FIRRM: variants seen among roughly 807,000 people sequenced by gnomAD.
FIRRM encodes the protein FIGNL1-interacting regulator of recombination and mitosis.
the FIRRM span, among the ~76,000 whole-genome samples, chr1:169,812,547 A>G: frequency 2.7e-3 from 417 of 152,262 alleles, 3 homozygotes; most frequent in African/African-American, 9.8e-3. Flanking sequence ...GCACTGTATT[A>G]GAGAGTTCAT....
chr1:169,850,472 C>T, the FIRRM span: 23 of 628,388 alleles, frequency 3.7e-5, no homozygotes, highest in African/African-American at 3.9e-4. Context: ...ACAGTGCTGA[C>T]GACTTTTACT....
chr1:169,792,498 A>G, the FIRRM span: 1 of 1,291,712 alleles, frequency 7.7e-7, no homozygotes, highest in South Asian at 1.7e-5. Flanking sequence ...TTCAGAAAAA[A>G]TAATAGCAAA....
chr1:169,828,663 C>T, the FIRRM span, among the ~76,000 whole-genome samples: 2 of 152,068 alleles, frequency 1.3e-5, no homozygotes, highest in Non-Finnish European at 2.9e-5. Context: ...ATTCTCCTAC[C>T]TTAGCCTCCT....
the FIRRM span, chr1:169,851,001 T>A: frequency 3.7e-5 from 2 of 54,264 alleles, no homozygotes; most frequent in African/African-American, 7.5e-5. Flanking sequence ...TTTTTTTTTT[T>A]TTTTTATTTG....
At chr1:169,839,616 T>A in the FIRRM span, among the ~76,000 whole-genome samples, 7 of 152,348 alleles carry the variant, frequency 4.6e-5, no homozygotes, top group African/African-American at 1.7e-4. Flanking sequence ...TTCAGGTGTT[T>A]AAGTTCCTTA....
chr1:169,821,679 G>T, the FIRRM span: 2 of 1,602,636 alleles, frequency 1.2e-6, no homozygotes, highest in Admixed American at 1.7e-5. Context: ...TTTGGATCAG[G>T]ATAATGCTGA....
the FIRRM span, among the ~76,000 whole-genome samples, chr1:169,815,685 C>A: frequency 1.3e-5 from 2 of 152,266 alleles, no homozygotes; most frequent in East Asian, 3.9e-4. Context: ...GTCTTTGTGA[C>A]CTGTCTTGTG....
At chr1:169,850,398 C>A in the FIRRM span, 1 of 1,294,476 alleles carries the variant, frequency 7.7e-7, no homozygotes, top group Non-Finnish European at 1.1e-6. Context: ...TTTTTTTTTC[C>A]GAAATTATGT....
At chr1:169,794,496 T>C in the FIRRM span, 1 of 153,774 alleles carries the variant, frequency 6.5e-6, no homozygotes. Context: ...GGCACTGCAG[T>C]AGTTTGGAGA....
chr1:169,846,758 G>A, the FIRRM span, among the ~76,000 whole-genome samples: 3 of 152,146 alleles, frequency 2.0e-5, no homozygotes, highest in Admixed American at 6.5e-5. Flanking sequence ...GATCTATCCA[G>A]ACCACTAAAA....
the FIRRM span, chr1:169,850,187 A>G: frequency 2.3e-6 from 2 of 884,884 alleles, no homozygotes; most frequent in Non-Finnish European, 3.6e-6. Flanking sequence ...TGGTTAAGGT[A>G]GCTCATAAAA....
the FIRRM span, among the ~76,000 whole-genome samples, chr1:169,812,181 A>C: frequency 6.6e-6 from 1 of 152,364 alleles, no homozygotes; most frequent in Non-Finnish European, 1.5e-5. Flanking sequence ...AGAGGCTTCG[A>C]ACAAATCTTG....
At chr1:169,838,294 TAGTTA>T in the FIRRM span, among the ~76,000 whole-genome samples, 1 of 152,074 alleles carries the variant, frequency 6.6e-6, no homozygotes, top group African/African-American at 2.4e-5. Flanking sequence ...ATCAAATACC[TAGTTA>T]AGAATGGGTT....
At chr1:169,786,316 A>G in the FIRRM span, among the ~76,000 whole-genome samples, 2 of 152,232 alleles carry the variant, frequency 1.3e-5, no homozygotes, top group Non-Finnish European at 2.9e-5. Context: ...AAGTTATTGT[A>G]AAAATCCTGG....
the FIRRM span, among the ~76,000 whole-genome samples, chr1:169,838,057 C>T: frequency 6.6e-6 from 1 of 152,276 alleles, no homozygotes; most frequent in South Asian, 2.1e-4. Flanking sequence ...CCTGCCTCAG[C>T]CTCCTGAGTA....
chr1:169,837,340 A>G, the FIRRM span, among the ~76,000 whole-genome samples: 1 of 152,202 alleles, frequency 6.6e-6, no homozygotes, highest in Non-Finnish European at 1.5e-5. Context: ...ATGTCGCTTA[A>G]GGTATGTTGA....
the FIRRM span, among the ~76,000 whole-genome samples, chr1:169,822,190 C>T: frequency 0.037 from 5,675 of 152,268 alleles, 176 homozygotes; most frequent in South Asian, 0.11. Context: ...GGAATACAAA[C>T]CCTGCAAGCT....
the FIRRM span, among the ~76,000 whole-genome samples, chr1:169,805,353 C>T: frequency 2.0e-5 from 3 of 152,224 alleles, no homozygotes; most frequent in Non-Finnish European, 2.9e-5. Context: ...AAGCCATGTG[C>T]ATCATCCAGC....
the FIRRM span, among the ~76,000 whole-genome samples, chr1:169,825,907 G>C: frequency 6.6e-6 from 1 of 152,126 alleles, no homozygotes; most frequent in Admixed American, 6.5e-5. Context: ...GTTCACATAA[G>C]TTTTGATTGA....
Sources: gnomAD v4.1 joint callset for allele counts (sites outside exome capture counted in the v4.1 genomes callset) on GRCh38, gnomAD v4.1.1 for gene constraint, MANE v1.5 for transcripts, NCBI Gene and HGNC (gene_info 2026-07-23, HGNC 2026-07-21) for gene names.